CRY1: variants seen among roughly 807,000 people sequenced by gnomAD.
The protein encoded by CRY1 is cryptochrome circadian regulator 1, also known as cryptochrome-1.
Under a neutral mutation model 76.0 loss-of-function variants are expected in CRY1, and 45 were observed. The ratio of observed to expected loss-of-function variants is 0.59; its 90% CI spans 0.47 to 0.76. The LOEUF (loss-of-function observed/expected upper bound fraction) is 0.76. Among genes scored for constraint, CRY1 ranks in the 30% least tolerant of loss-of-function variants. CRY1 has a pLI of 0.00. For synonymous variants in CRY1, 248 were observed against 244.0 expected (o/e 1.02, Z -0.15); for missense variants, 587 against 716.4 (o/e 0.82, Z 2.06).
At chr12:107,056,031 C>T (rs1427496188) in intron 1 of CRY1, among the ~76,000 whole-genome samples, 2 of 152,020 alleles carry the variant, frequency 1.3e-5, no homozygotes, top group African/African-American at 4.8e-5. Flanking sequence ...AAGGAATTCC[C>T]AAACCAAAAG....
chr12:107,005,771 T>C (rs897960357), intron 2 of CRY1, among the ~76,000 whole-genome samples: 1 of 152,160 alleles, frequency 6.6e-6, no homozygotes, highest in Non-Finnish European at 1.5e-5. Flanking sequence ...TGTGTGTGTA[T>C]GTAAATATTT....
At chr12:107,068,927 T>C (rs1313769643) in intron 1 of CRY1, among the ~76,000 whole-genome samples, 1 of 152,212 alleles carries the variant, frequency 6.6e-6, no homozygotes, top group African/African-American at 2.4e-5. Flanking sequence ...TATGGTTCCA[T>C]CATGTGAAGA....
intron 2 of CRY1, among the ~76,000 whole-genome samples, chr12:107,016,410 T>C (rs950641760): frequency 1.3e-5 from 2 of 152,136 alleles, no homozygotes; most frequent in Admixed American, 6.5e-5. Flanking sequence ...ACTGTGAAAA[T>C]AAGCAATGTA....
At chr12:107,019,385 G>GA (rs373073475) in intron 2 of CRY1, among the ~76,000 whole-genome samples, 12 of 152,106 alleles carry the variant, frequency 7.9e-5, no homozygotes, top group African/African-American at 2.9e-4. Context: ...TGTAGCTAAA[G>GA]AAAAAATCAG....
At chr12:107,002,072 G>A (rs1299085062) in intron 3 of CRY1, 124 bp from the exon 4 acceptor site, 1 of 748,710 alleles carries the variant, frequency 1.3e-6, no homozygotes, top group Non-Finnish European at 2.1e-6. Flanking sequence ...GAGGGTGTTA[G>A]CTTGTTATAA....
At chr12:107,081,125 T>C (rs1593544033) in intron 1 of CRY1, among the ~76,000 whole-genome samples, 1 of 152,202 alleles carries the variant, frequency 6.6e-6, no homozygotes, top group South Asian at 2.1e-4. Context: ...AAGGAAGAAC[T>C]AGTAAGGATG....
intron 1 of CRY1, among the ~76,000 whole-genome samples, chr12:107,091,894 G>C (rs1345470768): frequency 6.6e-6 from 1 of 152,014 alleles, no homozygotes; most frequent in East Asian, 1.9e-4. Flanking sequence ...CTTTTCCCCC[G>C]ATCATACTTA....
intron 1 of CRY1, among the ~76,000 whole-genome samples, chr12:107,030,055 G>A (rs1455283378): frequency 6.6e-6 from 1 of 152,108 alleles, no homozygotes; most frequent in Admixed American, 6.5e-5. Flanking sequence ...ACTGTAGCCT[G>A]CAACTAGGCC....
intron 1 of CRY1, among the ~76,000 whole-genome samples, chr12:107,030,163 G>C (rs371255060): frequency 2.6e-5 from 4 of 152,076 alleles, no homozygotes; most frequent in African/African-American, 9.7e-5. Flanking sequence ...CAGAAGAAAG[G>C]GATTTTAAAG....
Position 107,046,125 on chromosome 12 carries a change from T to TA in CRY1, c.159-23934dup, listed in dbSNP as rs35548593. On this transcript the variant is annotated intron_variant, in intron 1 of 12. Coordinates refer to ENST00000008527, the MANE Select transcript of CRY1 (RefSeq NM_004075.5). ...CTGGCGACAGAGCAAGACTCTGTCT[T>TA]AAAAAAAAAAAAAAAAAATTAGTTG... Among the ~76,000 whole-genome samples, 1,108 of 137,134 alleles carry TA rather than the reference T, an allele frequency of 8.1e-3. 20 individuals are homozygous for TA. The highest frequency in any genetic ancestry group is 0.027 in the African/African-American group (990 of 36,530). The allele number at this position is 137,134 out of a possible 152,430, so 90.0% of individuals were successfully genotyped here.
chr12:107,002,299 A>G (rs1404404035), intron 3 of CRY1, among the ~76,000 whole-genome samples: 2 of 152,230 alleles, frequency 1.3e-5, no homozygotes, highest in African/African-American at 2.4e-5. Flanking sequence ...CAGACATATG[A>G]AAAACATGTT....
chr12:107,088,949 C>A (rs534280093), intron 1 of CRY1, among the ~76,000 whole-genome samples: 1 of 152,208 alleles, frequency 6.6e-6, no homozygotes, highest in Non-Finnish European at 1.5e-5. Context: ...CTTCCTCTCT[C>A]TATACATTTG....
intron 10 of CRY1, among the ~76,000 whole-genome samples, chr12:106,993,648 C>G (rs12820777): frequency 6.6e-6 from 1 of 151,920 alleles, no homozygotes; most frequent in Non-Finnish European, 1.5e-5. Flanking sequence ...GACCTATCCA[C>G]GAGCAGGTGG....
rs112678362 is a variant in CRY1 at position 106,997,376 on chromosome 12, T to A, written c.1503A>T (p.Ala501=). The change falls in exon 10 of 13, where the codon GCA becomes GCT. Residue 501 remains alanine, a synonymous_variant. Coordinates refer to ENST00000008527, the MANE Select transcript of CRY1 (RefSeq NM_004075.5). The stretch of plus-strand genomic sequence containing the variant: ...TCCCATTAGGATTAGAAGGTACTGA[T>A]GCCAGAAGACCTAAAGGACAAAAAA... ...LSRYRGLGLL[A]SVPSNPNGNG... 2.0e-3 allele frequency: 3,307 copies of A among 1,613,890 alleles called. 68 individuals are homozygous for A. In the African/African-American group the frequency reaches 0.038, roughly 18 times the overall value.
chr12:107,069,589 A>G (rs1953155797), intron 1 of CRY1, among the ~76,000 whole-genome samples: 1 of 40,854 alleles, frequency 2.4e-5, no homozygotes, highest in African/African-American at 4.7e-5. Flanking sequence ...TATATAAAGT[A>G]TATATATATA....
At chr12:107,011,869 A>T (rs1264432156) in intron 2 of CRY1, among the ~76,000 whole-genome samples, 4 of 152,208 alleles carry the variant, frequency 2.6e-5, no homozygotes, top group Admixed American at 2.0e-4. Flanking sequence ...AGAAGATGTC[A>T]TCTAGGACTT....
chr12:107,090,202 G>A (rs978922629), intron 1 of CRY1, among the ~76,000 whole-genome samples: 3 of 151,634 alleles, frequency 2.0e-5, no homozygotes, highest in African/African-American at 7.3e-5. Flanking sequence ...CGATTCTCCT[G>A]CCTCAGCCTC....
In CRY1 at chr12:107,055,933, G is replaced by T. The variant is rs1378088909; in HGVS notation, c.159-33741C>A. ...GTTTCAATTTCAAGTAACAGCTTAG[G>T]TTATTTAGATCAATCTAATTGGTCT... On this transcript the variant is annotated intron_variant, in intron 1 of 12. Transcript: ENST00000008527. Among the ~76,000 whole-genome samples the T allele has an allele frequency of 2.0e-5, 3 of 152,112 alleles. No homozygotes were observed. The East Asian group carries it at 5.8e-4, about 29-fold the overall frequency.
At chr12:107,000,761 T>C (rs908114702) in intron 5 of CRY1, among the ~76,000 whole-genome samples, 1 of 152,094 alleles carries the variant, frequency 6.6e-6, no homozygotes, top group Non-Finnish European at 1.5e-5. Context: ...ACAATTCTCA[T>C]GCCTCAGCAT....
Sources: gnomAD v4.1 joint callset for allele counts (sites outside exome capture counted in the v4.1 genomes callset) on GRCh38, gnomAD v4.1.1 for gene constraint, MANE v1.5 for transcripts, NCBI Gene and HGNC (gene_info 2026-07-23, HGNC 2026-07-21) for gene names.